The following ZNF7 variants were observed in gnomAD, a reference collection of about 807,000 sequenced individuals.
ZNF7 encodes zinc finger protein 7, also known as C2-H2 type zinc finger protein.
ZNF7 carries 10 observed loss-of-function variants against 12.0 expected under a neutral mutation model. That is an observed-to-expected ratio of 0.83 (90% confidence interval 0.51 to 1.42). The LOEUF (loss-of-function observed/expected upper bound fraction) is 1.42, where lower values mean the gene tolerates loss of function less well. Ranked by LOEUF, ZNF7 falls within the 40% of genes most tolerant of loss-of-function variation. ZNF7 has a pLI of 0.00. For synonymous variants in ZNF7, 334 were observed against 295.0 expected (o/e 1.13, Z -1.35); for missense variants, 854 against 837.2 (o/e 1.02, Z -0.25).
downstream of ZNF7, among the ~76,000 whole-genome samples, chr8:144,844,709 CA>C (rs71320849): frequency 5.3e-3 from 468 of 88,458 alleles, 3 homozygotes; most frequent in East Asian, 0.027. Context: ...GACTCTGTAT[CA>C]AAAAAAAAAA....
chr8:144,842,065 A>G lies in ZNF7; in HGVS notation c.958A>G (p.Ser320Gly). Residue 320 changes from serine to glycine, a missense_variant, in exon 5 of 5, where the codon AGC (serine) becomes GGC (glycine). Physicochemically the swap from Ser to Gly is moderately conservative, Grantham distance 56 (BLOSUM62 0). Coordinates refer to ENST00000532777, the MANE Select transcript of ZNF7 (RefSeq NM_003416.4). ...TGGAAAAGCTTTTGGTCAGAGCTCA[A>G]GCCTCATCCACCATCAGAGAATCCA... is the stretch of plus-strand genomic sequence containing the variant. ...ECGKAFGQSS[S>G]LIHHQRIHTG... 6.2e-7 allele frequency: 1 copy of G among 1,614,118 alleles called. No individual in the cohort carries two copies. The highest frequency in any genetic ancestry group is 8.5e-7 in the Non-Finnish European group (1 of 1,180,026).
At position 144,841,154 on chromosome 8, in the gene ZNF7, A is replaced by G. The variant is rs1432161940; in HGVS notation, c.248-201A>G. ...AGCAATGAACATTCATTGCTATCGA[A>G]TGAGTGAACAAGGTAAAAAGTATGA... On this transcript the variant is annotated intron_variant, in intron 4 of 4. Transcript: ENST00000532777. The G allele has an allele frequency of 1.2e-5, 7 of 602,288 alleles. No individual in the cohort carries two copies. In the African/African-American group the frequency reaches 1.3e-4, roughly 11 times the overall value. 37.3% of individuals were successfully genotyped at this position (602,288 alleles called of 1,614,324 possible). A position where few individuals can be genotyped will look rare whatever the true frequency, so the allele number is the denominator to read the frequency against.
intron 4 of ZNF7, chr8:144,838,433 G>T: frequency 2.4e-6 from 1 of 414,380 alleles, no homozygotes; most frequent in South Asian, 3.9e-5. Context: ...CCGGCCTGGT[G>T]CTCTGCTCCC....
At chr8:144,846,452 T>C (rs1299708475), downstream of ZNF7, 2 of 342,518 alleles carry the variant, frequency 5.8e-6, no homozygotes. Context: ...CCCAAGCGTC[T>C]TCATGGAGCC....
In ZNF7 at chr8:144,837,475, A is replaced by G; in HGVS notation, c.215A>G (p.Glu72Gly). The stretch of plus-strand genomic sequence containing the variant: ...TGGGTCCTCGACCTGCAGGGAGCAG[A>G]GGGGACAGAGGCACCAAGGACCTCC... The part of the protein sequence containing the change: ...EPWVLDLQGA[E>G]GTEAPRTSKT... The change falls in exon 4 of 5, where the codon GAG becomes GGG. Residue 72 changes from glutamate (E) to glycine (G), a missense_variant. By Grantham distance (98) the Glu-to-Gly change is moderately conservative. Transcript: ENST00000532777. 1.2e-6 allele frequency: 2 copies of G among 1,611,878 alleles called. No homozygotes were observed. The highest frequency in any genetic ancestry group is 1.7e-5 in the Admixed American group (1 of 59,970).
intron 3 of ZNF7, chr8:144,835,708 C>T (rs1027656310): frequency 6.6e-6 from 1 of 152,090 alleles, no homozygotes; most frequent in Admixed American, 6.6e-5. Flanking sequence ...CTGAATCCTG[C>T]CCCGGATTTA....
Position 144,829,293 on chromosome 8 carries a change from C to T in ZNF7, c.4-185C>T, listed in dbSNP as rs946174400. ...CTCTTGAGGGGGGAGGGTTGTATGA[C>T]CACCATGGACTGGGTTCCTTCCTCC... is the stretch of plus-strand genomic sequence containing the variant. On this transcript the variant is annotated intron_variant, in intron 2 of 4. Coordinates refer to ENST00000532777, the MANE Select transcript of ZNF7 (RefSeq NM_003416.4). 8 of 1,533,844 alleles carry T rather than the reference C, an allele frequency of 5.2e-6. No homozygotes were observed. The African/African-American group carries it at 5.5e-5, about 11-fold the overall frequency.
Position 144,842,663 on chromosome 8 carries a change from A to G in ZNF7, c.1556A>G (p.His519Arg). 3 of 1,614,210 alleles carry G rather than the reference A, an allele frequency of 1.9e-6. No homozygotes were observed. The highest frequency in any genetic ancestry group is 2.5e-6 in the Non-Finnish European group (3 of 1,180,050). ...AGCCTTATTTACCATCAGAGAATCC[A>G]TAAAGGAGAGAAGCCCTACGAATGC... ...SSSLIYHQRI[H>R]KGEKPYECLQ... The change falls in exon 5 of 5, where the codon CAT becomes CGT. Residue 519 changes from histidine to arginine, a missense_variant. Physicochemically the swap from His to Arg is conservative, Grantham distance 29. Coordinates refer to ENST00000532777, the MANE Select transcript of ZNF7 (RefSeq NM_003416.4).
At chr8:144,840,522 TGTG>T (rs1829749934) in intron 4 of ZNF7, among the ~76,000 whole-genome samples, 2 of 152,224 alleles carry the variant, frequency 1.3e-5, no homozygotes, top group South Asian at 4.2e-4. Flanking sequence ...AGCCGTGTGT[TGTG>T]GTTGCATCCT....
At chr8:144,840,844 T>C (rs559710874) in intron 4 of ZNF7, among the ~76,000 whole-genome samples, 1 of 152,298 alleles carries the variant, frequency 6.6e-6, no homozygotes, top group East Asian at 1.9e-4. Flanking sequence ...GGAGTAGCCA[T>C]GAACGGCCTA....
intron 2 of ZNF7, 180 bp downstream of exon 2, chr8:144,829,270 C>A: frequency 6.5e-7 from 1 of 1,532,260 alleles, no homozygotes; most frequent in African/African-American, 1.4e-5. Flanking sequence ...AATTGAGGCT[C>A]TTGAGGGGGG....
intron 3 of ZNF7, among the ~76,000 whole-genome samples, chr8:144,830,657 C>A (rs1380910513): frequency 6.6e-6 from 1 of 151,804 alleles, no homozygotes; most frequent in Non-Finnish European, 1.5e-5. Context: ...TTTAAAGAGC[C>A]CTCTTAGACT....
intron 3 of ZNF7, chr8:144,830,095 C>T (rs1391944819): frequency 6.5e-6 from 1 of 153,110 alleles, no homozygotes; most frequent in African/African-American, 2.4e-5. Flanking sequence ...TCCTCACAAG[C>T]TGTATACTGT....
At position 144,842,471 on chromosome 8, in the gene ZNF7, G is replaced by A; in HGVS notation, c.1364G>A (p.Arg455Gln). ...ACAAAAGCCTTTGGTTGTAGTTCAC[G>A]GCTTATTCGCCATCAGAGAACTCAC... ...KCTKAFGCSSRLIRHQRTHTG... is the reference protein window; with the variant it reads ...KCTKAFGCSSQLIRHQRTHTG... The change falls in exon 5 of 5, where the codon CGG (arginine) becomes CAG (glutamine). Residue 455 changes from arginine to glutamine, a missense_variant. Arg to Gln is a conservative substitution (Grantham distance 43). Coordinates refer to ENST00000532777, the MANE Select transcript of ZNF7 (RefSeq NM_003416.4). 7 of 1,613,796 alleles carry A rather than the reference G, an allele frequency of 4.3e-6. No homozygotes were observed. Among genetic ancestry groups the A allele is most frequent in the Non-Finnish European group, 5.9e-6 (7 of 1,179,962 alleles).
At chr8:144,845,128 C>T (rs141722549), downstream of ZNF7, among the ~76,000 whole-genome samples, 248 of 152,272 alleles carry the variant, frequency 1.6e-3, 1 homozygote, top group Non-Finnish European at 6.5e-4. Context: ...TTCCTTAAAA[C>T]TCAGCCTGAA....
intron 3 of ZNF7, among the ~76,000 whole-genome samples, chr8:144,831,395 G>T (rs1215436119): frequency 1.4e-5 from 2 of 140,012 alleles, no homozygotes; most frequent in African/African-American, 6.7e-5. Flanking sequence ...GCAAGCTCGT[G>T]TGTGCACAGG....
In ZNF7 at chr8:144,829,531, G is replaced by A. The variant is rs1828191951; in HGVS notation, c.57G>A (p.Gln19=). Residue 19 remains glutamine (Q), a synonymous_variant, in exon 3 of 5, where the codon CAG becomes CAA. Transcript: ENST00000532777. ...VAVHFSREEW[Q]CLDPGQRALY... is the part of the protein sequence containing the mutation. ...TGCACTTCTCTCGGGAGGAGTGGCA[G>A]TGTCTGGACCCTGGCCAGAGGGCCC... 6.2e-7 allele frequency: 1 copy of A among 1,614,202 alleles called. No individual in the cohort carries two copies. The highest frequency in any genetic ancestry group is 8.5e-7 in the Non-Finnish European group (1 of 1,180,032).
intron 4 of ZNF7, 86 bp from the exon 5 acceptor site, chr8:144,841,269 C>G (rs1359347101): frequency 7.2e-7 from 1 of 1,385,336 alleles, no homozygotes; most frequent in African/African-American, 1.4e-5. Context: ...ATCCTGGGAG[C>G]CTTGAGCCCT....
intron 1 of ZNF7, 42 bp downstream of exon 1, chr8:144,827,651 C>T (rs1473639789): frequency 2.0e-6 from 2 of 985,382 alleles, no homozygotes; most frequent in African/African-American, 1.7e-5. Flanking sequence ...TGCCCTCGGT[C>T]CGAGTGATCC....
Sources: gnomAD v4.1 joint callset for allele counts (sites outside exome capture counted in the v4.1 genomes callset) on GRCh38, gnomAD v4.1.1 for gene constraint, MANE v1.5 for transcripts, NCBI Gene and HGNC (gene_info 2026-07-23, HGNC 2026-07-21) for gene names.